Variants in ANKRD44 observed in about 807,000 individuals in gnomAD.
ANKRD44 encodes serine/threonine-protein phosphatase 6 regulatory ankyrin repeat subunit B.
ANKRD44 carries 35 observed loss-of-function variants against 116.0 expected under a neutral mutation model. The ratio of observed to expected loss-of-function variants is 0.30; its 90% CI spans 0.23 to 0.40. The LOEUF (loss-of-function observed/expected upper bound fraction) is 0.40. ANKRD44 is among the 10% of genes least tolerant of loss of function. ANKRD44 has a pLI of 1.00. For synonymous variants in ANKRD44, 435 were observed against 461.8 expected (o/e 0.94, Z 0.74); for missense variants, 1,014 against 1,242.6 (o/e 0.82, Z 2.77).
At chr2:197,067,590 G>T (rs1174125492) in intron 16 of ANKRD44, among the ~76,000 whole-genome samples, 2 of 133,452 alleles carry the variant, frequency 1.5e-5, no homozygotes, top group African/African-American at 5.7e-5. Context: ...CATTTATGCA[G>T]CCAAAAAACA....
chr2:197,267,431 G>A (rs1233951347), intron 1 of ANKRD44, among the ~76,000 whole-genome samples: 2 of 152,176 alleles, frequency 1.3e-5, no homozygotes, highest in Non-Finnish European at 2.9e-5. Flanking sequence ...TTAGCCATGT[G>A]TCTAAAGTAA....
At chr2:197,291,017 T>C (rs1166379530) in intron 1 of ANKRD44, among the ~76,000 whole-genome samples, 1 of 151,916 alleles carries the variant, frequency 6.6e-6, no homozygotes, top group East Asian at 1.9e-4. Flanking sequence ...CAGACTAGCG[T>C]GGGCAACATA....
chr2:196,973,350 T>G (rs943185929), intron 21 of ANKRD44, among the ~76,000 whole-genome samples: 4 of 152,148 alleles, frequency 2.6e-5, no homozygotes, highest in African/African-American at 9.7e-5. Flanking sequence ...AACTTTAAAC[T>G]ATCATTTTTA....
chr2:197,110,906 G>T, intron 8 of ANKRD44, 62 bp from the exon 9 acceptor site: 1 of 1,126,886 alleles, frequency 8.9e-7, no homozygotes, highest in South Asian at 1.2e-5. Context: ...ACACCCATCT[G>T]AAATACCCCT....
intron 3 of ANKRD44, among the ~76,000 whole-genome samples, chr2:197,143,149 CT>C (rs61628743): frequency 0.35 from 49,040 of 139,054 alleles, 11,096 homozygotes; most frequent in African/African-American, 0.65. Flanking sequence ...TCTGTAGGAT[CT>C]TTTTTTTTTT....
chr2:197,177,432 C>T (rs1014616501), intron 2 of ANKRD44, among the ~76,000 whole-genome samples: 5 of 152,126 alleles, frequency 3.3e-5, no homozygotes, highest in Non-Finnish European at 5.9e-5. Flanking sequence ...AAGATGGGAG[C>T]GCCATTATGC....
intron 27 of ANKRD44, chr2:196,990,952 G>A: frequency 8.1e-7 from 1 of 1,232,138 alleles, no homozygotes; most frequent in African/African-American, 1.5e-5. Flanking sequence ...AGACAAGGCA[G>A]TGGTTAGTCC....
At chr2:197,274,478 C>T (rs2083015943) in intron 1 of ANKRD44, among the ~76,000 whole-genome samples, 4 of 152,182 alleles carry the variant, frequency 2.6e-5, no homozygotes, top group Admixed American at 2.6e-4. Flanking sequence ...GAGATCACAC[C>T]ATTCCTGTGA....
intron 1 of ANKRD44, among the ~76,000 whole-genome samples, chr2:197,250,058 G>A (rs2105652525): frequency 6.6e-6 from 1 of 152,286 alleles, no homozygotes; most frequent in South Asian, 2.1e-4. Flanking sequence ...TAAGCAATTT[G>A]GACATTTGAT....
chr2:197,162,160 C>G (rs1225264479), intron 2 of ANKRD44, among the ~76,000 whole-genome samples: 1 of 152,210 alleles, frequency 6.6e-6, no homozygotes, highest in African/African-American at 2.4e-5. Context: ...ATTTTCCTCT[C>G]TATAGTCCTC....
chr2:197,084,495 T>C (rs1325227384), intron 13 of ANKRD44, among the ~76,000 whole-genome samples: 4 of 152,066 alleles, frequency 2.6e-5, no homozygotes, highest in Non-Finnish European at 5.9e-5. Context: ...TCCTTGAGGG[T>C]AGGGATGTTG....
intron 1 of ANKRD44, among the ~76,000 whole-genome samples, chr2:197,188,480 C>A (rs1390409476): frequency 6.6e-6 from 1 of 152,132 alleles, no homozygotes; most frequent in Non-Finnish European, 1.5e-5. Context: ...TTGGGCTTGC[C>A]TGCATGGCAA....
intron 15 of ANKRD44, among the ~76,000 whole-genome samples, 155 bp from the exon 16 acceptor site, chr2:197,078,969 T>TTGTGTG (rs59690082): frequency 0.6 from 88,489 of 147,034 alleles, 29,655 homozygotes; most frequent in East Asian, 0.9. Flanking sequence ...GTGTTGAAAA[T>TTGTGTG]TGTGTGTGTG....
intron 4 of ANKRD44, chr2:197,136,344 A>G: frequency 1.9e-6 from 1 of 527,468 alleles, no homozygotes; most frequent in South Asian, 2.5e-5. Context: ...CCTCCTCCCC[A>G]GGCTGAGAAC....
intron 27 of ANKRD44, among the ~76,000 whole-genome samples, chr2:196,992,078 G>A (rs2075928413): frequency 6.6e-6 from 1 of 152,208 alleles, no homozygotes; most frequent in Admixed American, 6.5e-5. Flanking sequence ...GGTAGATTAA[G>A]TCTTTGACTT....
At chr2:196,995,316 A>T (rs2075993562) in intron 26 of ANKRD44, 63 bp downstream of exon 26, 1 of 1,235,098 alleles carries the variant, frequency 8.1e-7, no homozygotes. Context: ...GCAGGCTCTT[A>T]ATACTTATTG....
intron 3 of ANKRD44, among the ~76,000 whole-genome samples, chr2:197,139,848 TTGTGTGTGTGTGTGTGTGTG>T (rs71012957): frequency 1.4e-4 from 19 of 131,672 alleles, no homozygotes; most frequent in South Asian, 8.1e-4. Flanking sequence ...TAAGCTGCTT[TTGTGTGTGTGTGTGTGTGTG>T]TGTGTGTGTG....
intron 16 of ANKRD44, among the ~76,000 whole-genome samples, chr2:197,036,159 GT>G (rs1290270343): frequency 2.0e-5 from 3 of 152,194 alleles, no homozygotes; most frequent in Non-Finnish European, 4.4e-5. Context: ...ATGAATGTAT[GT>G]ATGAATCAAA....
chr2:196,973,830 A>G (rs542314095), intron 21 of ANKRD44, among the ~76,000 whole-genome samples: 1 of 152,222 alleles, frequency 6.6e-6, no homozygotes, highest in African/African-American at 2.4e-5. Context: ...GCCATAATTT[A>G]TTAAACTAGT....
Sources: gnomAD v4.1 joint callset for allele counts (sites outside exome capture counted in the v4.1 genomes callset) on GRCh38, gnomAD v4.1.1 for gene constraint, MANE v1.5 for transcripts, NCBI Gene and HGNC (gene_info 2026-07-23, HGNC 2026-07-21) for gene names.